The following ECE1 variants were observed in gnomAD, a reference collection of about 807,000 sequenced individuals.
ECE1 encodes endothelin-converting enzyme 1.
In ECE1, 35 loss-of-function variants were observed where a neutral mutation model predicts 98.6. The ratio of observed to expected loss-of-function variants is 0.35; its 90% confidence interval spans 0.27 to 0.47. The LOEUF (loss-of-function observed/expected upper bound fraction) is 0.47. Ranked by LOEUF, ECE1 falls within the 20% of genes least tolerant of loss-of-function variation. ECE1 has a pLI of 1.00. For synonymous variants in ECE1, 394 were observed against 407.1 expected (o/e 0.97, Z 0.39); for missense variants, 814 against 1,025.3 (o/e 0.79, Z 2.81).
At chr1:21,280,469 G>A (rs898788886) in intron 2 of ECE1, among the ~76,000 whole-genome samples, 1 of 152,190 alleles carries the variant, frequency 6.6e-6, no homozygotes, top group Non-Finnish European at 1.5e-5. Context: ...CAGATAAGAA[G>A]GAATGGAAGT....
At chr1:21,304,286 A>T (rs1638548567) in intron 1 of ECE1, among the ~76,000 whole-genome samples, 1 of 138,758 alleles carries the variant, frequency 7.2e-6, no homozygotes, top group Non-Finnish European at 1.5e-5. Flanking sequence ...ACGGCACTCC[A>T]GCCTGGGCAA....
At chr1:21,270,328 G>T (rs1181336553) in intron 4 of ECE1, among the ~76,000 whole-genome samples, 1 of 152,244 alleles carries the variant, frequency 6.6e-6, no homozygotes, top group Non-Finnish European at 1.5e-5. Flanking sequence ...GCGCACGGCG[G>T]ACATCCGTGT....
intron 4 of ECE1, among the ~76,000 whole-genome samples, chr1:21,271,355 A>C (rs2098240014): frequency 6.6e-6 from 1 of 152,150 alleles, no homozygotes; most frequent in Non-Finnish European, 1.5e-5. Flanking sequence ...TAAATTGTTA[A>C]TTGTCCATTT....
At chr1:21,329,235 G>A (rs1057095919) in intron 1 of ECE1, among the ~76,000 whole-genome samples, 1 of 152,198 alleles carries the variant, frequency 6.6e-6, no homozygotes, top group Non-Finnish European at 1.5e-5. Context: ...TGAGGGCAAT[G>A]AAACTTGCAT....
intron 10 of ECE1, among the ~76,000 whole-genome samples, chr1:21,240,855 C>T (rs2098195189): frequency 6.6e-6 from 1 of 152,224 alleles, no homozygotes; most frequent in Non-Finnish European, 1.5e-5. Flanking sequence ...TCTTATGTGT[C>T]GTCTTCTCTG....
Position 21,323,671 on chromosome 1 carries a change from C to G in ECE1, c.3+21705G>C, listed in dbSNP as rs537326476. Among the ~76,000 whole-genome samples, 27 of 147,320 alleles carry G rather than the reference C, an allele frequency of 1.8e-4. No individual in the cohort carries two copies. In the East Asian group the frequency reaches 5.1e-3, roughly 28 times the overall value. ...ATAAAATAAAATAAAATAAAATAAG[C>G]CTTGCCTTCATGAAACTTATATGCT... On this transcript the variant is annotated intron_variant, in intron 1 of 18. Transcript: ENST00000415912.
chr1:21,235,939 A>G lies in ECE1; in HGVS notation c.1489-12T>C. On this transcript the variant is annotated splice_polypyrimidine_tract_variant and intron_variant, in intron 12 of 18. Coordinates refer to ENST00000374893, the MANE Select transcript of ECE1 (RefSeq NM_001397.3). The surrounding 1 kb of genome is among the most constrained non-coding windows in gnomAD (Gnocchi z 4.2). Reference sequence around the variant, plus strand: ...TAGATGGCATCGGCCTGGACAGGACAGACAGAGGAAGTGAGTGCCCGGCAA... The same window carrying G: ...TAGATGGCATCGGCCTGGACAGGACGGACAGAGGAAGTGAGTGCCCGGCAA... 6.2e-7 allele frequency: 1 copy of G among 1,613,734 alleles called. No individual in the cohort carries two copies. The highest frequency in any genetic ancestry group is 2.2e-5 in the East Asian group (1 of 44,882).
At chr1:21,310,859 A>G (rs1396608920) in intron 1 of ECE1, among the ~76,000 whole-genome samples, 5 of 152,166 alleles carry the variant, frequency 3.3e-5, no homozygotes, top group East Asian at 1.9e-4. Flanking sequence ...GCCAACCAGG[A>G]TGAAAATCTT....
In ECE1 at chr1:21,238,615, C is replaced by G. The variant is rs540178105; in HGVS notation, c.1279-371G>C. Among the ~76,000 whole-genome samples, 4 of 152,242 alleles carry G rather than the reference C, an allele frequency of 2.6e-5. No homozygotes were observed. The South Asian group carries it at 8.3e-4, about 32-fold the overall frequency. On this transcript the variant is annotated intron_variant, in intron 10 of 18. Coordinates refer to ENST00000374893, the MANE Select transcript of ECE1 (RefSeq NM_001397.3). ...TTGTTGGAATGAGAACTGAGACGTG[C>G]CTGACTCCACATCCTATGCTCCTAC...
chr1:21,297,169 A>G (rs981341345), intron 1 of ECE1, among the ~76,000 whole-genome samples: 1 of 152,148 alleles, frequency 6.6e-6, no homozygotes, highest in African/African-American at 2.4e-5. Context: ...GCTGGGAAGC[A>G]CTCACTCACA....
chr1:21,333,708 C>T (rs981743191), intron 1 of ECE1, among the ~76,000 whole-genome samples: 3 of 152,324 alleles, frequency 2.0e-5, no homozygotes, highest in African/African-American at 7.2e-5. Context: ...GTGGCACCTG[C>T]CTGTAATCCC....
At chr1:21,308,482 G>A (rs1013929125) in intron 1 of ECE1, among the ~76,000 whole-genome samples, 3 of 152,104 alleles carry the variant, frequency 2.0e-5, no homozygotes, top group Non-Finnish European at 4.4e-5. Flanking sequence ...TCTTGTGAGA[G>A]GGAGGGGCCA....
At chr1:21,290,571 C>G, upstream of ECE1, 1 of 1,195,916 alleles carries the variant, frequency 8.4e-7, no homozygotes, top group Non-Finnish European at 1.0e-6. The surrounding 1 kb of genome is among the most constrained non-coding windows in gnomAD (Gnocchi z 7.3). Context: ...CCCGAGAGGC[C>G]CGGGGGAGAT....
chr1:21,266,777 C>T (rs2098234442), intron 4 of ECE1: 1 of 152,194 alleles, frequency 6.6e-6, no homozygotes, highest in Admixed American at 6.5e-5. Flanking sequence ...GTAACTCGTC[C>T]TAGGTCGCAA....
intron 1 of ECE1, among the ~76,000 whole-genome samples, chr1:21,328,562 G>C (rs213033): frequency 0.21 from 31,741 of 152,038 alleles, 5,281 homozygotes; most frequent in African/African-American, 0.45. Flanking sequence ...AGGAGTTCCA[G>C]ACCAGCCTGG....
chr1:21,226,875 G>A (rs1558367054), intron 16 of ECE1, among the ~76,000 whole-genome samples: 2 of 152,140 alleles, frequency 1.3e-5, no homozygotes, highest in East Asian at 3.9e-4. Context: ...ACAGGCACCC[G>A]CCACCATGCC....
intron 10 of ECE1, among the ~76,000 whole-genome samples, chr1:21,241,850 C>T (rs997445403): frequency 3.3e-5 from 5 of 152,130 alleles, no homozygotes; most frequent in East Asian, 1.9e-4. Context: ...CCAAAAGGAG[C>T]GAGGGTCTGA....
At chr1:21,329,081 A>G (rs953107723) in intron 1 of ECE1, among the ~76,000 whole-genome samples, 1 of 152,166 alleles carries the variant, frequency 6.6e-6, no homozygotes, top group African/African-American at 2.4e-5. Flanking sequence ...AATGCCCAGG[A>G]TAGTGTTGGA....
chr1:21,332,676 AGGAGGAGAGG>A (rs1285382555), intron 1 of ECE1, among the ~76,000 whole-genome samples: 1 of 67,004 alleles, frequency 1.5e-5, no homozygotes, highest in Non-Finnish European at 2.8e-5. Flanking sequence ...CGGAGGAGAC[AGGAGGAGAGG>A]GGAGGAGAGG....
Sources: gnomAD v4.1 joint callset for allele counts (sites outside exome capture counted in the v4.1 genomes callset) on GRCh38, gnomAD v4.1.1 for gene constraint, Gnocchi (gnomAD v3.1) non-coding constraint, MANE v1.5 for transcripts, NCBI Gene and HGNC (gene_info 2026-07-23, HGNC 2026-07-21) for gene names.